The following ZNF567 variants were observed in gnomAD, a reference collection of about 807,000 sequenced individuals.
The protein encoded by ZNF567 is zinc finger protein 567.
ZNF567 carries 36 observed loss-of-function variants against 53.9 expected under a neutral mutation model. That is an observed-to-expected ratio of 0.67 (90% CI 0.51 to 0.88). ZNF567 has a LOEUF of 0.88. Among genes scored for constraint, ZNF567 ranks in the 40% least tolerant of loss-of-function variants. The probability of loss-of-function intolerance (pLI) is 0.00; values close to 1 mark genes in which losing one functional copy is unlikely to be tolerated. For missense variants in ZNF567, 619 were observed against 764.7 expected (o/e 0.81, Z 2.25); for synonymous variants, 224 against 260.4 (o/e 0.86, Z 1.35).
chr19:36,684,579 T>G (rs751250439), upstream of ZNF567, among the ~76,000 whole-genome samples: 3 of 152,164 alleles, frequency 2.0e-5, no homozygotes, highest in Admixed American at 1.3e-4. Flanking sequence ...CGAGTTCCTC[T>G]TATCAGTTGC....
At chr19:36,668,273 A>G in the ZNF567 span, 1 of 152,244 alleles carries the variant, frequency 6.6e-6, no homozygotes, top group African/African-American at 2.4e-5. Context: ...CTTTTTGAGA[A>G]TGGCTGTTCT....
chr19:36,706,374 G>C (rs977682788), intron 3 of ZNF567, among the ~76,000 whole-genome samples: 2 of 152,154 alleles, frequency 1.3e-5, no homozygotes, highest in Non-Finnish European at 2.9e-5. Context: ...GCTCACTTCA[G>C]CCTCAACATC....
At position 36,720,057 on chromosome 19, in the gene ZNF567, G is replaced by A. The variant is rs1365277930; in HGVS notation, c.1333G>A (p.Glu445Lys). ...TGCTCTTCATGAGAAAACTCATAAT[G>A]AGGAGAAACCCTATATTTGTAGTGA... The part of the protein sequence containing the change: ...TLALHEKTHN[E>K]EKPYICSECG... Residue 445 changes from glutamate (E) to lysine (K), a missense_variant, in exon 6 of 6, where the codon GAG becomes AAG. Transcript: ENST00000682579. 1.9e-6 allele frequency: 3 copies of A among 1,613,968 alleles called. No individual in the cohort carries two copies. The Admixed American group carries it at 5.0e-5, about 27-fold the overall frequency.
intron 3 of ZNF567, among the ~76,000 whole-genome samples, chr19:36,696,432 A>G (rs567615430): frequency 6.6e-6 from 1 of 152,312 alleles, no homozygotes; most frequent in African/African-American, 2.4e-5. Context: ...CTCCAGCTAG[A>G]TATCGCCACC....
Position 36,694,838 on chromosome 19 carries a change from G to A in ZNF567, c.-30G>A. 1 of 1,522,858 alleles carries A rather than the reference G, an allele frequency of 6.6e-7. No individual in the cohort carries two copies. The highest frequency in any genetic ancestry group is 8.7e-7 in the Non-Finnish European group (1 of 1,143,426). The allele number at this position is 1,522,858 out of a possible 1,614,324, so 94.3% of individuals were successfully genotyped here. A position where few individuals can be genotyped will look rare whatever the true frequency, so the allele number is the denominator to read the frequency against. ...TTTCTAAAGAGGACTCCAAAGGAAGGACTGGTCATCTCTTTCATATCTCAA... is the reference window on the plus strand; with the variant it reads ...TTTCTAAAGAGGACTCCAAAGGAAGAACTGGTCATCTCTTTCATATCTCAA... On this transcript the variant is annotated 5_prime_UTR_variant, in exon 3 of 6. Transcript: ENST00000682579.
At chr19:36,725,559 T>TG (rs2040332496), downstream of ZNF567, among the ~76,000 whole-genome samples, 1 of 152,174 alleles carries the variant, frequency 6.6e-6, no homozygotes, top group Non-Finnish European at 1.5e-5. Flanking sequence ...GTTTTGGGGA[T>TG]GGGAAGAAAG....
chr19:36,688,507 G>A (rs1272688400), intron 1 of ZNF567, among the ~76,000 whole-genome samples: 3 of 151,980 alleles, frequency 2.0e-5, no homozygotes, highest in Non-Finnish European at 4.4e-5. Context: ...TTTTCAGAGG[G>A]TAAGATTGGG....
At chr19:36,701,489 T>G (rs547984780) in intron 3 of ZNF567, among the ~76,000 whole-genome samples, 1 of 152,126 alleles carries the variant, frequency 6.6e-6, no homozygotes, top group South Asian at 2.1e-4. Flanking sequence ...GTTAACTTTC[T>G]GTCTCGTTGA....
chr19:36,724,304 CTTTA>C (rs1354829816), downstream of ZNF567, among the ~76,000 whole-genome samples: 3 of 151,864 alleles, frequency 2.0e-5, no homozygotes, highest in Non-Finnish European at 4.4e-5. Flanking sequence ...CCGCACCCTG[CTTTA>C]TTTAATTTTT....
chr19:36,721,347 G>A (rs563032847), downstream of ZNF567: 1 of 152,186 alleles, frequency 6.6e-6, no homozygotes, highest in African/African-American at 2.4e-5. Context: ...TATCATGTGT[G>A]TGTTTGCGTG....
chr19:36,706,367 C>T (rs1415669592), intron 3 of ZNF567, among the ~76,000 whole-genome samples: 2 of 152,208 alleles, frequency 1.3e-5, no homozygotes, highest in Non-Finnish European at 2.9e-5. Flanking sequence ...AATCATGGCT[C>T]ACTTCAGCCT....
chr19:36,676,283 C>G, the ZNF567 span, among the ~76,000 whole-genome samples: 19 of 151,572 alleles, frequency 1.3e-4, no homozygotes, highest in East Asian at 3.3e-3. Context: ...CCAGGCTGGT[C>G]TCGAACCTCT....
At chr19:36,682,128 T>C in the ZNF567 span, among the ~76,000 whole-genome samples, 1 of 151,776 alleles carries the variant, frequency 6.6e-6, no homozygotes, top group African/African-American at 2.4e-5. Context: ...TTTTAAATTG[T>C]CTGGGTGTGG....
chr19:36,693,183 G>A (rs2038710944), intron 2 of ZNF567, among the ~76,000 whole-genome samples: 1 of 152,172 alleles, frequency 6.6e-6, no homozygotes. Flanking sequence ...AGCTACCCAG[G>A]AGGCTGAGAT....
downstream of ZNF567, among the ~76,000 whole-genome samples, chr19:36,724,897 C>T (rs2040329579): frequency 6.6e-6 from 1 of 150,668 alleles, no homozygotes; most frequent in South Asian, 2.1e-4. Context: ...TTCTTTCCAT[C>T]ACTTATTTTC....
chr19:36,701,342 A>C (rs2039172274), intron 3 of ZNF567, among the ~76,000 whole-genome samples: 1 of 151,652 alleles, frequency 6.6e-6, no homozygotes, highest in Non-Finnish European at 1.5e-5. Context: ...TTTACTTCCA[A>C]GTATGTGGTC....
the ZNF567 span, among the ~76,000 whole-genome samples, chr19:36,667,429 G>A: frequency 6.6e-6 from 1 of 151,878 alleles, no homozygotes; most frequent in Non-Finnish European, 1.5e-5. Flanking sequence ...TTGAACCCGG[G>A]AGGCAGAGGT....
rs1225577916 is a variant in ZNF567 at position 36,719,932 on chromosome 19, A to T, written c.1208A>T (p.His403Leu). 6.2e-7 allele frequency: 1 copy of T among 1,610,286 alleles called. No individual in the cohort carries two copies. The highest frequency in any genetic ancestry group is 1.7e-5 in the Admixed American group (1 of 59,820). Reference sequence around the variant, plus strand: ...TGTAAAGAATGTGGGAAGTCCTTTCACCAGAAGGCAAATCTTACTGTACAT... The same window carrying T: ...TGTAAAGAATGTGGGAAGTCCTTTCTCCAGAAGGCAAATCTTACTGTACAT... Reference protein sequence around the residue: ...YICKECGKSFHQKANLTVHQR... With the variant: ...YICKECGKSFLQKANLTVHQR... Residue 403 changes from histidine to leucine, a missense_variant, in exon 6 of 6, where the codon CAC becomes CTC. His to Leu is a moderately conservative substitution (Grantham distance 99). Transcript: ENST00000682579.
chr19:36,703,337 T>TGGG lies in ZNF567; in HGVS notation c.9+8467_9+8469dup, dbSNP rs35641493. ...GTGTGAGGTGTCAGTCTGCCCCTAC[T>TGGG]GGGGGGGGTGCCTCCCAGTTAGGCT... On this transcript the variant is annotated intron_variant, in intron 3 of 5. Transcript: ENST00000682579. 2.0e-5 allele frequency among the ~76,000 whole-genome samples: 3 copies of TGGG among 151,308 alleles called. No individual in the cohort carries two copies. The South Asian group carries it at 6.3e-4, about 32-fold the overall frequency.
Sources: gnomAD v4.1 joint callset for allele counts (sites outside exome capture counted in the v4.1 genomes callset) on GRCh38, gnomAD v4.1.1 for gene constraint, MANE v1.5 for transcripts, NCBI Gene and HGNC (gene_info 2026-07-23, HGNC 2026-07-21) for gene names.